The following ATRX variants were observed in gnomAD, a reference collection of about 807,000 sequenced individuals.
ATRX encodes the protein ATRX chromatin remodeler, also known as chromatin remodeler ATRX.
ATRX carries 12 observed loss-of-function variants against 172.6 expected under a neutral mutation model. The observed-to-expected ratio is 0.07, with a 90% CI of 0.04 to 0.11. The LOEUF (loss-of-function observed/expected upper bound fraction) is 0.11. ATRX is among the 10% of genes least tolerant of loss of function. ATRX has a pLI of 1.00. For missense variants in ATRX, 1,368 were observed against 1,767.4 expected (o/e 0.77, Z 4.05); for synonymous variants, 674 against 594.7 (o/e 1.13, Z -1.94).
chrX:77,752,375 G>T, intron 1 of ATRX, among the ~76,000 whole-genome samples: 1 of 111,850 alleles, frequency 8.9e-6, no homozygotes. Context: ...GGAGTTTTTG[G>T]GTTGAGATGA....
intron 19 of ATRX, among the ~76,000 whole-genome samples, chrX:77,624,629 G>A (rs997604260): frequency 1.8e-5 from 2 of 111,003 alleles, no homozygotes; most frequent in African/African-American, 6.6e-5. Context: ...TACAATAGCT[G>A]CATAAATAAA....
chrX:77,778,715 C>T (rs1416635019), intron 1 of ATRX, among the ~76,000 whole-genome samples: 27 of 101,094 alleles, frequency 2.7e-4, no homozygotes, highest in Non-Finnish European at 4.6e-4. Flanking sequence ...AGCGAGACTA[C>T]GTCTCAAAAA....
At chrX:77,592,457 T>C (rs896212091) in intron 26 of ATRX, among the ~76,000 whole-genome samples, 4 of 104,104 alleles carry the variant, frequency 3.8e-5, no homozygotes, top group African/African-American at 1.4e-4. Context: ...TTAAAAATCG[T>C]TTATAATCAG....
At position 77,683,750 on chromosome X, in the gene ATRX, A is replaced by G. The variant is rs112173609; in HGVS notation, c.1506T>C (p.Pro502=). 1 of 1,210,826 alleles carries G rather than the reference A, an allele frequency of 8.3e-7. No homozygotes were observed. The part of the protein sequence containing the change: ...EHKKSDRKEE[P]QYEPANTSED... ...CAGAAGTGTTGGCAGGTTCATATTG[A>G]GGTTCTTCTTTTCTATCAGATTTCT... Residue 502 remains proline (P), a synonymous_variant, in exon 9 of 35, where the codon CCT becomes CCC. Transcript: ENST00000373344.
chrX:77,597,934 C>A (rs1258389716), intron 25 of ATRX, among the ~76,000 whole-genome samples: 1 of 111,977 alleles, frequency 8.9e-6, no homozygotes, highest in Non-Finnish European at 1.9e-5. Flanking sequence ...AATCTCATTA[C>A]AAGTATAAAA....
chrX:77,735,936 G>A (rs1458207283), intron 1 of ATRX, among the ~76,000 whole-genome samples: 9 of 109,581 alleles, frequency 8.2e-5, no homozygotes, highest in African/African-American at 3.0e-4. Context: ...CCTGGGAGAC[G>A]GAGGTTGCAG....
intron 4 of ATRX, among the ~76,000 whole-genome samples, chrX:77,697,141 C>A (rs2148679245): frequency 9.0e-6 from 1 of 111,706 alleles, no homozygotes; most frequent in South Asian, 3.7e-4. Flanking sequence ...CTTGAGTTGA[C>A]AATTTAGCAG....
intron 15 of ATRX, among the ~76,000 whole-genome samples, chrX:77,648,813 T>A (rs2069059446): frequency 9.0e-6 from 1 of 111,145 alleles, no homozygotes; most frequent in Non-Finnish European, 1.9e-5. Flanking sequence ...TCCTTAAGTT[T>A]GAAATTTACC....
Position 77,641,594 on chromosome X carries a change from A to AG in ATRX, c.4558-5539_4558-5538insC, listed in dbSNP as rs1460390204. On this transcript the variant is annotated intron_variant, in intron 15 of 34. Coordinates refer to ENST00000373344, the MANE Select transcript of ATRX (RefSeq NM_000489.6). ...CGAGCCTCCATCTCAGAAAAAAAAA[A>AG]AAAAAAAATGCCCAAACACTGAAAA... is the stretch of plus-strand genomic sequence containing the variant. Among the ~76,000 whole-genome samples the AG allele has an allele frequency of 2.7e-5, 3 of 109,171 alleles. No individual in the cohort carries two copies. The East Asian group carries it at 8.6e-4, about 31-fold the overall frequency. The allele number at this position is 109,171 out of a possible 115,157, so 94.8% of individuals were successfully genotyped here.
intron 22 of ATRX, among the ~76,000 whole-genome samples, chrX:77,601,099 C>T (rs782137476): frequency 9.0e-6 from 1 of 111,253 alleles, no homozygotes; most frequent in South Asian, 3.8e-4. Flanking sequence ...AGATTACAAA[C>T]TCCTGTTATA....
intron 10 of ATRX, among the ~76,000 whole-genome samples, chrX:77,667,079 T>TAA (rs1299781108): frequency 9.7e-6 from 1 of 103,502 alleles, no homozygotes; most frequent in Non-Finnish European, 2.0e-5. Flanking sequence ...TAGTTCTATT[T>TAA]AAAAAAAAAA....
At chrX:77,710,193 G>A (rs997315479) in intron 2 of ATRX, among the ~76,000 whole-genome samples, 2 of 109,391 alleles carry the variant, frequency 1.8e-5, no homozygotes, top group Admixed American at 9.8e-5. Flanking sequence ...CAGCTACTCC[G>A]GAGGCTGAAG....
chrX:77,595,087 A>G (rs1198396896), intron 25 of ATRX: 2 of 112,111 alleles, frequency 1.8e-5, no homozygotes, highest in Non-Finnish European at 3.8e-5. Context: ...TTTCTGGCAT[A>G]AAGTTATGAT....
At chrX:77,780,519 G>T (rs1557205051) in intron 1 of ATRX, among the ~76,000 whole-genome samples, 1 of 108,834 alleles carries the variant, frequency 9.2e-6, no homozygotes, top group African/African-American at 3.3e-5. Context: ...TAGTAGAGAT[G>T]GGGTTTCACC....
chrX:77,746,009 T>A (rs1404462403), intron 1 of ATRX, among the ~76,000 whole-genome samples: 1 of 111,193 alleles, frequency 9.0e-6, no homozygotes, highest in Non-Finnish European at 1.9e-5. Context: ...ATAACACAAG[T>A]TGGTGAGGTT....
At chrX:77,536,192 G>A (rs1340326963) in intron 30 of ATRX, among the ~76,000 whole-genome samples, 1 of 110,998 alleles carries the variant, frequency 9.0e-6, no homozygotes, top group Non-Finnish European at 1.9e-5. Flanking sequence ...TGGAACTACA[G>A]GGGTGTGTCA....
intron 34 of ATRX, among the ~76,000 whole-genome samples, chrX:77,518,763 G>A (rs1171816454): frequency 1.8e-5 from 2 of 111,235 alleles, no homozygotes; most frequent in Non-Finnish European, 3.8e-5. Flanking sequence ...ATACTACAGA[G>A]CTACAGTAAC....
intron 30 of ATRX, among the ~76,000 whole-genome samples, chrX:77,523,981 T>C (rs1163887814): frequency 1.8e-5 from 2 of 111,778 alleles, no homozygotes; most frequent in Admixed American, 9.5e-5. Context: ...TAAATTGATA[T>C]ACATTTTTCA....
intron 1 of ATRX, among the ~76,000 whole-genome samples, chrX:77,741,394 T>C (rs1188199123): frequency 1.8e-5 from 2 of 109,304 alleles, no homozygotes; most frequent in East Asian, 5.8e-4. Flanking sequence ...TTTTCTCCCA[T>C]TCTGAGTTGT....
Sources: allele counts gnomAD v4.1 joint callset (sites outside exome capture counted in the v4.1 genomes callset), GRCh38; gene constraint gnomAD v4.1.1; transcripts MANE v1.5; gene names NCBI Gene and HGNC (gene_info 2026-07-23, HGNC 2026-07-21).